Variants in ZNF438 observed in about 807,000 individuals in gnomAD.
The protein encoded by ZNF438 is zinc finger protein 438.
A neutral mutation model predicts 38.0 loss-of-function variants in ZNF438; 25 were observed. The observed-to-expected ratio is 0.66, with a 90% CI of 0.48 to 0.92. The LOEUF (loss-of-function observed/expected upper bound fraction) is 0.92. ZNF438 is among the 40% of genes least tolerant of loss of function. The pLI, the probability that ZNF438 is intolerant of heterozygous loss-of-function variation, is 0.00. For synonymous variants in ZNF438, 372 were observed against 364.1 expected, an observed-to-expected ratio of 1.02 and a Z score of -0.25; for missense variants, 1,007 against 999.6, an observed-to-expected ratio of 1.01 and a Z score of -0.10.
chr10:30,912,521 C>T (rs1282547643), intron 2 of ZNF438, among the ~76,000 whole-genome samples: 1 of 151,992 alleles, frequency 6.6e-6, no homozygotes, highest in South Asian at 2.1e-4. Context: ...TAAAAATGAA[C>T]TTTTTTGTTC....
chr10:30,969,309 A>C (rs780420425), intron 1 of ZNF438, among the ~76,000 whole-genome samples: 15 of 152,200 alleles, frequency 9.9e-5, no homozygotes, highest in Non-Finnish European at 2.1e-4. Flanking sequence ...AGTCTGCTTC[A>C]ACCAACAGCC....
chr10:30,870,256 A>G (rs569113922), intron 4 of ZNF438, among the ~76,000 whole-genome samples: 5 of 152,262 alleles, frequency 3.3e-5, no homozygotes, highest in Non-Finnish European at 7.3e-5. Context: ...CCCAAAATCA[A>G]TACTTGTGGT....
At position 30,848,966 on chromosome 10, in the gene ZNF438, C is replaced by A. The variant is rs1588728928; in HGVS notation, c.1439G>T (p.Gly480Val). The A allele has an allele frequency of 3.1e-6, 5 of 1,614,140 alleles. No homozygotes were observed. The East Asian group carries it at 8.9e-5, about 29-fold the overall frequency. ...GGAAGAGCTGTTGTCTTGCTTACAG[C>A]CAAGATATTTAGGAGTGAGTGAATT... The change falls in exon 5 of 6, where the codon GGC becomes GTC. Residue 480 changes from glycine (G) to valine (V), a missense_variant. Gly to Val is a moderately radical substitution (Grantham distance 109). Coordinates refer to ENST00000413025, the Ensembl canonical transcript of ZNF438.
At chr10:30,885,087 A>G (rs1019411918) in intron 3 of ZNF438, among the ~76,000 whole-genome samples, 3 of 152,242 alleles carry the variant, frequency 2.0e-5, no homozygotes, top group Admixed American at 6.5e-5. Context: ...TAAACATGTC[A>G]TATATCATCA....
In ZNF438 at chr10:30,925,258, A is replaced by C. The variant is rs1019343024; in HGVS notation, c.-114-16243T>G. 2.6e-5 allele frequency among the ~76,000 whole-genome samples: 4 copies of C among 151,140 alleles called. No homozygotes were observed. The East Asian group carries it at 7.8e-4, about 30-fold the overall frequency. On this transcript the variant is annotated intron_variant, in intron 2 of 5. Coordinates refer to ENST00000413025, the Ensembl canonical transcript of ZNF438. Reference sequence around the variant, plus strand: ...GACACAATATTGAACAGAAATGGTGATACTGGGCAGCTTTGTCTTTTAAGA... The same window carrying C: ...GACACAATATTGAACAGAAATGGTGCTACTGGGCAGCTTTGTCTTTTAAGA...
chr10:31,011,963 T>C (rs1490419114), intron 1 of ZNF438, among the ~76,000 whole-genome samples: 3 of 152,096 alleles, frequency 2.0e-5, no homozygotes, highest in East Asian at 3.9e-4. Flanking sequence ...GCCATGGCTG[T>C]TCCTTATACA....
chr10:30,887,430 T>G (rs2040096153), intron 3 of ZNF438, among the ~76,000 whole-genome samples: 1 of 152,098 alleles, frequency 6.6e-6, no homozygotes, highest in African/African-American at 2.4e-5. Flanking sequence ...TGGAGTGCAG[T>G]GGTGAGGTCT....
intron 3 of ZNF438, among the ~76,000 whole-genome samples, chr10:30,881,514 C>T (rs2133803728): frequency 6.6e-6 from 1 of 152,226 alleles, no homozygotes; most frequent in African/African-American, 2.4e-5. Context: ...ATATATACCA[C>T]ATTCAAAGGT....
chr10:31,010,776 G>A (rs911308525), intron 1 of ZNF438, among the ~76,000 whole-genome samples: 1 of 151,002 alleles, frequency 6.6e-6, no homozygotes, highest in Non-Finnish European at 1.5e-5. Flanking sequence ...GTAGTTCTAG[G>A]TACTTTCTTG....
chr10:30,983,812 A>G (rs760601088), intron 1 of ZNF438, among the ~76,000 whole-genome samples: 6 of 152,192 alleles, frequency 3.9e-5, no homozygotes, highest in Non-Finnish European at 7.3e-5. Flanking sequence ...CTTCAAGTAA[A>G]CTTATTTTGA....
At chr10:30,937,690 A>C (rs1425060093) in intron 2 of ZNF438, among the ~76,000 whole-genome samples, 2 of 152,234 alleles carry the variant, frequency 1.3e-5, no homozygotes, top group Non-Finnish European at 2.9e-5. Context: ...GCTGAGGTCA[A>C]GGCTGACATC....
intron 4 of ZNF438, among the ~76,000 whole-genome samples, chr10:30,856,372 T>G (rs913827165): frequency 6.6e-6 from 1 of 152,160 alleles, no homozygotes. Context: ...AACTCGTGTT[T>G]TTTTGTTTTG....
At chr10:30,903,490 T>C (rs1204332357) in intron 3 of ZNF438, among the ~76,000 whole-genome samples, 1 of 152,252 alleles carries the variant, frequency 6.6e-6, no homozygotes, top group Non-Finnish European at 1.5e-5. Context: ...AGTCCAGATA[T>C]TTCTCATTGG....
At chr10:30,985,853 A>G (rs552398257) in intron 1 of ZNF438, among the ~76,000 whole-genome samples, 6 of 152,308 alleles carry the variant, frequency 3.9e-5, no homozygotes, top group African/African-American at 1.2e-4. Flanking sequence ...CATTTTATGT[A>G]TATTTCTGTT....
chr10:30,974,546 T>C (rs192689184), intron 1 of ZNF438, among the ~76,000 whole-genome samples: 2 of 152,188 alleles, frequency 1.3e-5, no homozygotes, highest in Admixed American at 6.5e-5. Context: ...ATTATTTCCA[T>C]GTGTTACAAT....
intron 1 of ZNF438, among the ~76,000 whole-genome samples, chr10:30,948,923 A>C (rs934652161): frequency 3.0e-4 from 45 of 152,234 alleles, no homozygotes; most frequent in Non-Finnish European, 4.3e-4. Context: ...CTCCTCAAGA[A>C]GAGCAACTCC....
intron 1 of ZNF438, among the ~76,000 whole-genome samples, chr10:30,964,069 A>C (rs2049846784): frequency 6.6e-6 from 1 of 152,162 alleles, no homozygotes; most frequent in Non-Finnish European, 1.5e-5. Context: ...CCTAGGTGGA[A>C]GCTTTTCTGA....
intron 1 of ZNF438, among the ~76,000 whole-genome samples, chr10:30,989,281 C>T (rs372688977): frequency 3.9e-5 from 6 of 152,242 alleles, no homozygotes; most frequent in South Asian, 4.1e-4. Flanking sequence ...TAATATACTA[C>T]GTAAGGGAGA....
At chr10:31,026,134 C>T (rs1035500893) in intron 1 of ZNF438, among the ~76,000 whole-genome samples, 1 of 152,118 alleles carries the variant, frequency 6.6e-6, no homozygotes, top group African/African-American at 2.4e-5. Flanking sequence ...ACCATAAAAA[C>T]CCTGGAAGAA....
Sources: allele counts gnomAD v4.1 joint callset (sites outside exome capture counted in the v4.1 genomes callset), GRCh38; gene constraint gnomAD v4.1.1; transcripts MANE v1.5; gene names NCBI Gene and HGNC (gene_info 2026-07-23, HGNC 2026-07-21).